Variants in MED15 observed in about 807,000 individuals in gnomAD.
MED15 encodes mediator of RNA polymerase II transcription subunit 15.
Under a neutral mutation model 118.7 loss-of-function variants are expected in MED15, and 41 were observed. The ratio of observed to expected loss-of-function variants is 0.35; its 90% confidence interval spans 0.27 to 0.45. The LOEUF (loss-of-function observed/expected upper bound fraction) is 0.45, where lower values mean the gene tolerates loss of function less well. Among genes scored for constraint, MED15 ranks in the 20% least tolerant of loss-of-function variants. MED15 has a pLI of 1.00. For missense variants in MED15, 740 were observed against 1,025.5 expected, an observed-to-expected ratio of 0.72 and a Z score of 3.80; for synonymous variants, 436 against 413.9, an observed-to-expected ratio of 1.05 and a Z score of -0.65.
chr22:20,568,731 G>T lies in MED15; in HGVS notation c.1152+100G>T. On this transcript the variant is annotated intron_variant, in intron 8 of 17. Coordinates refer to ENST00000263205, the MANE Select transcript of MED15 (RefSeq NM_001003891.3). Reference sequence around the variant, plus strand: ...AGGGTTCTGGTTGGATTAGGGGCTGGGGGCTAAGTTGGTAAAGCAGGGGCT... The same window carrying T: ...AGGGTTCTGGTTGGATTAGGGGCTGTGGGCTAAGTTGGTAAAGCAGGGGCT... 22 of 1,517,200 alleles carry T rather than the reference G, an allele frequency of 1.5e-5. No individual in the cohort carries two copies. The South Asian group carries it at 2.5e-4, about 18-fold the overall frequency. The allele number at this position is 1,517,200 out of a possible 1,614,324, so 94.0% of individuals were successfully genotyped here.
intron 7 of MED15, among the ~76,000 whole-genome samples, chr22:20,567,567 C>T (rs2056487070): frequency 6.6e-6 from 1 of 152,206 alleles, no homozygotes; most frequent in Non-Finnish European, 1.5e-5. Context: ...GATATGCTCA[C>T]TCATCTGTCA....
chr22:20,511,713 C>T (rs2054069922), intron 1 of MED15, among the ~76,000 whole-genome samples: 1 of 151,982 alleles, frequency 6.6e-6, no homozygotes, highest in African/African-American at 2.4e-5. Context: ...CTTAGCCCTC[C>T]ACTGCCTCCA....
At chr22:20,582,274 G>T in intron 9 of MED15, 1 of 417,122 alleles carries the variant, frequency 2.4e-6, no homozygotes, top group Non-Finnish European at 4.4e-6. Flanking sequence ...TGTCAGGGAA[G>T]GCCAGGCTAG....
rs753248152 is a variant in MED15, at chr22:20,525,530, CTTT to C, written c.69-11566_69-11564del. Reference sequence around the variant, plus strand: ...GAGCCTGGCCAAACATGACCTTTCTCTTTTTTTTTTTTTTTTTTTTTTTGAGAC... The same window carrying C: ...GAGCCTGGCCAAACATGACCTTTCTCTTTTTTTTTTTTTTTTTTTTGAGAC... On this transcript the variant is annotated intron_variant, in intron 1 of 17. Transcript: ENST00000263205. Among the ~76,000 whole-genome samples the C allele has an allele frequency of 5.3e-3, 601 of 113,308 alleles. 6 individuals carry two copies. Among genetic ancestry groups the C allele is most frequent in the African/African-American group, 0.019 (515 of 27,266 alleles). 74.3% of individuals were successfully genotyped at this position (113,308 alleles called of 152,430 possible).
At chr22:20,522,985 G>A (rs2054515206) in intron 1 of MED15, 1 of 152,192 alleles carries the variant, frequency 6.6e-6, no homozygotes, top group Non-Finnish European at 1.5e-5. Flanking sequence ...CAGGACTTGT[G>A]GGTGTAGTAC....
chr22:20,557,282 T>C (rs973355637), intron 5 of MED15, among the ~76,000 whole-genome samples: 1 of 152,112 alleles, frequency 6.6e-6, no homozygotes, highest in African/African-American at 2.4e-5. Flanking sequence ...TTCCTCTTCT[T>C]TGGGGCCATA....
chr22:20,586,819 CT>C lies in MED15; in HGVS notation c.*119del. On this transcript the variant is annotated 3_prime_UTR_variant, in exon 18 of 18. Transcript: ENST00000263205. ...GCCTGGGGTTAGGTTAGCTTTCCTG[CT>C]TTTATCTTCTGCCTTGGGGACCTGC... The C allele has an allele frequency of 7.1e-7, 1 of 1,417,342 alleles. No homozygotes were observed. The highest frequency in any genetic ancestry group is 1.3e-5 in the South Asian group (1 of 75,860). The allele number at this position is 1,417,342 out of a possible 1,614,324, so 87.8% of individuals were successfully genotyped here.
chr22:20,570,393 CT>C (rs362206), intron 8 of MED15, among the ~76,000 whole-genome samples: 43,399 of 135,170 alleles, frequency 0.32, 6,073 homozygotes, highest in Non-Finnish European at 0.35. Flanking sequence ...TTCTTTCTGT[CT>C]TTTTTTTTTT....
At chr22:20,540,994 C>T (rs965641736) in intron 2 of MED15, among the ~76,000 whole-genome samples, 1 of 151,948 alleles carries the variant, frequency 6.6e-6, no homozygotes, top group Admixed American at 6.6e-5. Flanking sequence ...TTTGGGAGGC[C>T]GAGGTGGGCA....
chr22:20,551,352 C>T (rs754636192), intron 2 of MED15, 84 bp from the exon 3 acceptor site: 5 of 1,279,012 alleles, frequency 3.9e-6, no homozygotes, highest in East Asian at 2.3e-5. Context: ...AGCTCGGTGC[C>T]AGCAGGCGAG....
intron 9 of MED15, among the ~76,000 whole-genome samples, chr22:20,575,682 G>C (rs1202463302): frequency 6.6e-6 from 1 of 151,250 alleles, no homozygotes; most frequent in Non-Finnish European, 1.5e-5. Flanking sequence ...GACCAGCCTG[G>C]TTCACATAGC....
intron 1 of MED15, among the ~76,000 whole-genome samples, chr22:20,508,644 T>G (rs1351341219): frequency 6.6e-6 from 1 of 152,038 alleles, no homozygotes; most frequent in Non-Finnish European, 1.5e-5. Flanking sequence ...AGAACCTTCT[T>G]AAGGGTGGGG....
intron 5 of MED15, among the ~76,000 whole-genome samples, chr22:20,560,877 A>G (rs989027441): frequency 2.0e-5 from 3 of 152,204 alleles, no homozygotes; most frequent in Admixed American, 6.5e-5. Context: ...CCTCAAATCC[A>G]TCCAGCCTCT....
intron 1 of MED15, chr22:20,522,920 C>T (rs1293721516): frequency 1.3e-5 from 2 of 152,236 alleles, no homozygotes; most frequent in Non-Finnish European, 2.9e-5. Flanking sequence ...CCCCATCAGC[C>T]TCCAGTCACA....
chr22:20,516,414 G>T (rs2054260722), intron 1 of MED15, among the ~76,000 whole-genome samples: 1 of 152,032 alleles, frequency 6.6e-6, no homozygotes, highest in Non-Finnish European at 1.5e-5. Flanking sequence ...ATTTGTTTTT[G>T]TTTTTTGGAC....
At chr22:20,584,688 T>G (rs1601651926) in intron 14 of MED15, 167 bp from the exon 15 acceptor site, 1 of 948,744 alleles carries the variant, frequency 1.1e-6, no homozygotes, top group East Asian at 2.6e-5. Context: ...GCTGTGGGGG[T>G]GGGGGATTAT....
At chr22:20,542,025 C>G (rs1438626906) in intron 2 of MED15, among the ~76,000 whole-genome samples, 3 of 152,010 alleles carry the variant, frequency 2.0e-5, no homozygotes, top group Non-Finnish European at 4.4e-5. Flanking sequence ...AACTCCTGAC[C>G]TCAGGTGGTC....
chr22:20,508,303 G>A, intron 1 of MED15: 1 of 1,302,968 alleles, frequency 7.7e-7, no homozygotes, highest in Non-Finnish European at 1.0e-6. Flanking sequence ...GGAAGCGATC[G>A]TCGTTTCTGG....
rs1169665401 is a variant in MED15, at chr22:20,586,910, G to A, written c.*206G>A. Reference sequence around the variant, plus strand: ...CAGTGGAGCGGGTTGCTTGGGGGGCGTTGGCCGACTTCTTAGAGAAGGCCC... The same window carrying A: ...CAGTGGAGCGGGTTGCTTGGGGGGCATTGGCCGACTTCTTAGAGAAGGCCC... On this transcript the variant is annotated 3_prime_UTR_variant, in exon 18 of 18. Transcript: ENST00000263205. 8 of 725,846 alleles carry A rather than the reference G, an allele frequency of 1.1e-5. No homozygotes were observed. Among genetic ancestry groups the A allele is most frequent in the Admixed American group, 3.0e-5 (1 of 33,570 alleles). 45.0% of individuals were successfully genotyped at this position (725,846 alleles called of 1,614,324 possible).
Sources: gnomAD v4.1 joint callset for allele counts (sites outside exome capture counted in the v4.1 genomes callset) on GRCh38, gnomAD v4.1.1 for gene constraint, MANE v1.5 for transcripts, NCBI Gene and HGNC (gene_info 2026-07-23, HGNC 2026-07-21) for gene names.